STK3: variants seen among roughly 807,000 people sequenced by gnomAD.
The protein encoded by STK3 is serine/threonine-protein kinase 3.
In STK3, 41 loss-of-function variants were observed where a neutral mutation model predicts 58.0. The observed-to-expected ratio is 0.71, with a 90% CI of 0.55 to 0.92. The LOEUF (loss-of-function observed/expected upper bound fraction) is 0.92, where lower values mean the gene tolerates loss of function less well. Ranked by LOEUF, STK3 falls within the 40% of genes least tolerant of loss-of-function variation. STK3 has a pLI of 0.00. For missense variants in STK3, 479 were observed against 602.7 expected, an observed-to-expected ratio of 0.79 and a Z score of 2.15; for synonymous variants, 170 against 191.0, an observed-to-expected ratio of 0.89 and a Z score of 0.91.
chr8:98,467,665 T>TACTACAGGATAGTTTCATGCTCC, intron 10 of STK3, among the ~76,000 whole-genome samples: 1 of 152,050 alleles, frequency 6.6e-6, no homozygotes, highest in Non-Finnish European at 1.5e-5. Flanking sequence ...TAATTAATAT[T>TACTACAGGATAGTTTCATGCTCC]ACTACAGGAT....
rs1240667983 is a variant in STK3, at chr8:98,800,685, G to T, written c.26+24830C>A. Among the ~76,000 whole-genome samples the T allele has an allele frequency of 6.6e-6, 1 of 152,206 alleles. No individual in the cohort carries two copies. The highest frequency in any genetic ancestry group is 1.5e-5 in the Non-Finnish European group (1 of 68,028). ...CTTGATGGGCCCCGCACTCAGAGTG[G>T]CCAGCTGATGCCGCCAGCCCTGGGC... On this transcript the variant is annotated intron_variant, in intron 1 of 10. Transcript: ENST00000419617. This position sits in a 1 kb window ranked among gnomAD's most constrained non-coding sequence, Gnocchi z 4.8.
intron 1 of STK3, among the ~76,000 whole-genome samples, chr8:98,893,513 AAAGAAAGAAAGAAAG>A (rs1838329048): frequency 2.2e-5 from 3 of 133,918 alleles, no homozygotes; most frequent in Admixed American, 2.2e-4. Flanking sequence ...AGAAAGAAAG[AAAGAAAGAAAGAAAG>A]AAAGAAAGAA....
At position 98,596,107 on chromosome 8, in the gene STK3, A is replaced by T. The variant is rs745804050; in HGVS notation, c.747T>A (p.Asp249Glu). 1.2e-5 allele frequency: 20 copies of T among 1,613,318 alleles called. No homozygotes were observed. Among genetic ancestry groups the T allele is most frequent in the Non-Finnish European group, 1.7e-5 (20 of 1,179,598 alleles). The change falls in exon 7 of 11, where the codon GAT (aspartate) becomes GAA (glutamate). Residue 249 changes from aspartate (D) to glutamate (E), a missense_variant. Transcript: ENST00000419617. ...ACTTTTTAACAAAATCGGTGAAATC[A>T]TCGGACCAAAGTTCTGGCTTTCTGA... ...PTFRKPELWSDDFTDFVKKCL... is the reference protein window; with the variant it reads ...PTFRKPELWSEDFTDFVKKCL...
chr8:98,420,643 G>C (rs1054506182), intron 3 of STK3, among the ~76,000 whole-genome samples: 4 of 152,124 alleles, frequency 2.6e-5, no homozygotes, highest in Non-Finnish European at 5.9e-5. Context: ...ACCTACTTGA[G>C]ACAGTTAAGA....
chr8:98,874,440 C>T (rs1206957081), intron 3 of STK3, among the ~76,000 whole-genome samples: 1 of 152,148 alleles, frequency 6.6e-6, no homozygotes, highest in Non-Finnish European at 1.5e-5. Context: ...AGAATAAACT[C>T]CTGTTGTTTT....
intron 1 of STK3, among the ~76,000 whole-genome samples, chr8:98,905,991 T>C (rs562387799): frequency 6.6e-6 from 1 of 152,294 alleles, no homozygotes; most frequent in Admixed American, 6.5e-5. Context: ...CTACATGTGA[T>C]TGGTCAAAAC....
intron 1 of STK3, chr8:98,782,074 C>T: frequency 4.3e-6 from 1 of 232,540 alleles, no homozygotes; most frequent in Non-Finnish European, 8.8e-6. Context: ...AGGCTTGCCT[C>T]TAGTGTCCTC....
chr8:98,851,102 A>G (rs1191360081), intron 3 of STK3, among the ~76,000 whole-genome samples: 1 of 152,110 alleles, frequency 6.6e-6, no homozygotes, highest in Non-Finnish European at 1.5e-5. Context: ...TCTGAGCTCA[A>G]TGCTCACATT....
intron 8 of STK3, among the ~76,000 whole-genome samples, chr8:98,550,023 C>G (rs1811033484): frequency 6.6e-6 from 1 of 151,994 alleles, no homozygotes; most frequent in South Asian, 2.1e-4. Context: ...AAAGAAAGGA[C>G]CAAAGAATCT....
chr8:98,787,260 T>C (rs1162739744), intron 1 of STK3, among the ~76,000 whole-genome samples: 1 of 141,358 alleles, frequency 7.1e-6, no homozygotes, highest in African/African-American at 2.6e-5. Flanking sequence ...CAGGAAACAA[T>C]GGACACATTT....
intron 9 of STK3, among the ~76,000 whole-genome samples, chr8:98,540,470 C>T (rs765026031): frequency 1.3e-5 from 2 of 152,000 alleles, no homozygotes; most frequent in African/African-American, 2.4e-5. Flanking sequence ...TTAGGATCCT[C>T]GTTCTATCCT....
At chr8:98,671,797 T>A (rs537534400) in intron 6 of STK3, among the ~76,000 whole-genome samples, 1 of 152,264 alleles carries the variant, frequency 6.6e-6, no homozygotes, top group Non-Finnish European at 1.5e-5. Flanking sequence ...TGGTTCTGTA[T>A]CCCCACCCAA....
intron 8 of STK3, among the ~76,000 whole-genome samples, chr8:98,556,452 T>C (rs531313343): frequency 1.3e-5 from 2 of 152,068 alleles, no homozygotes; most frequent in African/African-American, 2.4e-5. Context: ...CCTTGCTCCT[T>C]AGAATTAATT....
chr8:98,675,573 G>A (rs1823140091), intron 6 of STK3, among the ~76,000 whole-genome samples: 1 of 152,088 alleles, frequency 6.6e-6, no homozygotes, highest in Non-Finnish European at 1.5e-5. Context: ...ATTAAAAGCA[G>A]GGACTCGGGC....
chr8:98,368,029 T>C (rs2130985877), downstream of STK3, among the ~76,000 whole-genome samples: 1 of 151,554 alleles, frequency 6.6e-6, no homozygotes, highest in South Asian at 2.1e-4. Flanking sequence ...TTGACAGCTC[T>C]GGCCATGGCC....
intron 1 of STK3, among the ~76,000 whole-genome samples, chr8:98,890,635 G>C (rs1214474176): frequency 6.6e-6 from 1 of 152,142 alleles, no homozygotes; most frequent in African/African-American, 2.4e-5. Context: ...GTTTTCACTG[G>C]ACCTTTCTAA....
chr8:98,834,904 C>T (rs1835691811), intron 3 of STK3, among the ~76,000 whole-genome samples: 1 of 152,164 alleles, frequency 6.6e-6, no homozygotes, highest in Non-Finnish European at 1.5e-5. Flanking sequence ...TGATGAATAG[C>T]AGTTACAAGT....
intron 8 of STK3, among the ~76,000 whole-genome samples, chr8:98,579,303 T>C (rs1222745398): frequency 6.6e-6 from 1 of 152,220 alleles, no homozygotes; most frequent in Non-Finnish European, 1.5e-5. Context: ...CAACTCCTGC[T>C]ATGGTACGTT....
At chr8:98,864,267 C>G (rs958023062) in intron 3 of STK3, among the ~76,000 whole-genome samples, 3 of 149,870 alleles carry the variant, frequency 2.0e-5, no homozygotes, top group African/African-American at 7.4e-5. Flanking sequence ...CATCAATCTT[C>G]CTCCTTCCTA....
Sources: allele counts gnomAD v4.1 joint callset (sites outside exome capture counted in the v4.1 genomes callset), GRCh38; gene constraint gnomAD v4.1.1; non-coding constraint Gnocchi (gnomAD v3.1); transcripts MANE v1.5; gene names NCBI Gene and HGNC (gene_info 2026-07-23, HGNC 2026-07-21).